SKIDA1: variants seen among roughly 807,000 people sequenced by gnomAD.
SKIDA1 encodes SKI/DACH domain-containing protein 1.
In SKIDA1, 18 loss-of-function variants were observed where a neutral mutation model predicts 51.4. The ratio of observed to expected loss-of-function variants is 0.35; its 90% CI spans 0.24 to 0.52. The LOEUF (loss-of-function observed/expected upper bound fraction) is 0.52. Among genes scored for constraint, SKIDA1 ranks in the 20% least tolerant of loss-of-function variants. SKIDA1 has a pLI of 0.95. For missense variants in SKIDA1, 1,104 were observed against 1,180.6 expected, an observed-to-expected ratio of 0.94 and a Z score of 0.95; for synonymous variants, 579 against 500.5, an observed-to-expected ratio of 1.16 and a Z score of -2.09.
chr10:21,515,940 G>A lies in SKIDA1; in HGVS notation c.1883C>T (p.Ala628Val), dbSNP rs372541967. ...GGAATATTTTTCTGAATTTGCTTCTGCTCCTGAAGAATCATTATTTAAGAA... is the reference window on the plus strand; with the variant it reads ...GGAATATTTTTCTGAATTTGCTTCTACTCCTGAAGAATCATTATTTAAGAA... ...ARFLNNDSSG[A>V]EANSEKYSKI... The change falls in exon 4 of 4, where the codon GCA (alanine) becomes GTA (valine). Residue 628 changes from alanine to valine, a missense_variant. Ala to Val is a moderately conservative substitution (Grantham distance 64). Transcript: ENST00000449193. 1 of 1,613,850 alleles carries A rather than the reference G, an allele frequency of 6.2e-7. No homozygotes were observed. The highest frequency in any genetic ancestry group is 2.2e-5 in the East Asian group (1 of 44,896).
intron 2 of SKIDA1, among the ~76,000 whole-genome samples, chr10:21,523,394 TC>T (rs2032488575): frequency 6.6e-6 from 1 of 152,140 alleles, no homozygotes; most frequent in South Asian, 2.1e-4. Flanking sequence ...ATCTTTTAAT[TC>T]CAATTAAATG....
rs547975489 is a variant in SKIDA1, at chr10:21,515,594, T to C, written c.2229A>G (p.Lys743=). 6.5e-5 allele frequency: 105 copies of C among 1,614,038 alleles called. 1 individual carries two copies. The East Asian group carries it at 1.9e-3, about 29-fold the overall frequency. Residue 743 remains lysine, a synonymous_variant, in exon 4 of 4, where the codon AAA becomes AAG. Transcript: ENST00000449193. The part of the protein sequence containing the change: ...TAKEGFACPE[K]ETPSLNPLAQ... Reference sequence around the variant, plus strand: ...CCAGTGGATTTAAGGAAGGAGTTTCTTTTTCAGGGCATGCAAAACCTTCCT... The same window carrying C: ...CCAGTGGATTTAAGGAAGGAGTTTCCTTTTCAGGGCATGCAAAACCTTCCT...
In SKIDA1 at chr10:21,514,919, G is replaced by GCCCCC. The variant is rs2032152561; in HGVS notation, c.*176_*177insGGGGG. Reference sequence around the variant, plus strand: ...CCCACCCCGCCCCCACCCTACTCCAGAAAAAAAAAAAAAAACCCGCAACGG... The same window carrying GCCCCC: ...CCCACCCCGCCCCCACCCTACTCCAGCCCCCAAAAAAAAAAAAAAACCCGCAACGG... On this transcript the variant is annotated 3_prime_UTR_variant, in exon 4 of 4. Coordinates refer to ENST00000449193, the MANE Select transcript of SKIDA1 (RefSeq NM_207371.4). 2 of 86,848 alleles carry GCCCCC rather than the reference G, an allele frequency of 2.3e-5. No individual in the cohort carries two copies. The highest frequency in any genetic ancestry group is 2.9e-4 in the Admixed American group (1 of 3,400). 5.4% of individuals were successfully genotyped at this position (86,848 alleles called of 1,614,324 possible).
rs1474672687 is a variant in SKIDA1 at position 21,514,207 on chromosome 10, T to G, written c.*889A>C. The stretch of plus-strand genomic sequence containing the variant: ...TCCAGCCTGGGCGACACAGCGAGAC[T>G]CTCTCCAAAAAAAAAAAAAAAAAAA... On this transcript the variant is annotated 3_prime_UTR_variant, in exon 4 of 4. Transcript: ENST00000449193. 9.2e-6 allele frequency: 1 copy of G among 108,934 alleles called. No individual in the cohort carries two copies. The highest frequency in any genetic ancestry group is 3.6e-5 in the African/African-American group (1 of 27,670). The allele number at this position is 108,934 out of a possible 1,614,324, so 6.7% of individuals were successfully genotyped here.
chr10:21,516,597 A>C lies in SKIDA1; in HGVS notation c.1226T>G (p.Val409Gly). 2 of 1,551,274 alleles carry C rather than the reference A, an allele frequency of 1.3e-6. No homozygotes were observed. The highest frequency in any genetic ancestry group is 1.7e-6 in the Non-Finnish European group (2 of 1,147,012). Residue 409 changes from valine to glycine, a missense_variant, in exon 4 of 4, where the codon GTG becomes GGG. By Grantham distance (109) the Val-to-Gly change is moderately radical. Coordinates refer to ENST00000449193, the MANE Select transcript of SKIDA1 (RefSeq NM_207371.4). This position sits in a 1 kb window ranked among gnomAD's most constrained non-coding sequence, Gnocchi z 5.7. Reference protein sequence around the residue: ...GSSLSSSSNSVSSEEEEEEGE... With the variant: ...GSSLSSSSNSGSSEEEEEEGE... ...CTCCTCCTCCTCTTCCTCTGAGGAC[A>C]CAGAATTGCTGGAGCTGGACAAACT...
rs1350086330 is a variant in SKIDA1, at chr10:21,517,182, A to G, written c.641T>C (p.Phe214Ser). The change falls in exon 4 of 4, where the codon TTT becomes TCT. Residue 214 changes from phenylalanine to serine, a missense_variant. Phe to Ser is a radical substitution (Grantham distance 155). Coordinates refer to ENST00000449193, the MANE Select transcript of SKIDA1 (RefSeq NM_207371.4). The surrounding 1 kb of genome is among the most constrained non-coding windows in gnomAD (Gnocchi z 6.9). ...GTGTTTGCTGCACAGCAGGCTCCGA[A>G]AATAAGCAGGGTCCGAGGGGAAGGC... ...YVAFPSDPAY[F>S]RSLLCSKHPA... 2 of 1,425,162 alleles carry G rather than the reference A, an allele frequency of 1.4e-6. No individual in the cohort carries two copies. Among genetic ancestry groups the G allele is most frequent in the Non-Finnish European group, 1.8e-6 (2 of 1,082,108 alleles). The allele number at this position is 1,425,162 out of a possible 1,614,324, so 88.3% of individuals were successfully genotyped here. A position where few individuals can be genotyped will look rare whatever the true frequency, so the allele number is the denominator to read the frequency against.
In SKIDA1 at chr10:21,517,176, C is replaced by A; in HGVS notation, c.647G>T (p.Ser216Ile). 1 of 1,422,430 alleles carries A rather than the reference C, an allele frequency of 7.0e-7. No homozygotes were observed. Among genetic ancestry groups the A allele is most frequent in the Non-Finnish European group, 9.3e-7 (1 of 1,080,490 alleles). The allele number at this position is 1,422,430 out of a possible 1,614,324, so 88.1% of individuals were successfully genotyped here. A position where few individuals can be genotyped will look rare whatever the true frequency, so the allele number is the denominator to read the frequency against. ...AFPSDPAYFRSLLCSKHPAAA... is the reference protein window; with the variant it reads ...AFPSDPAYFRILLCSKHPAAA... ...TGCCGGGTGTTTGCTGCACAGCAGG[C>A]TCCGAAAATAAGCAGGGTCCGAGGG... The change falls in exon 4 of 4, where the codon AGC becomes ATC. Residue 216 changes from serine to isoleucine, a missense_variant. Transcript: ENST00000449193. This position sits in a 1 kb window ranked among gnomAD's most constrained non-coding sequence, Gnocchi z 6.9.
rs775306214 is a variant in SKIDA1 at position 21,517,058 on chromosome 10, G to A, written c.765C>T (p.Pro255=). ...GGCCTCCGGCGCCCGCCGCTGCCTT[G>A]GGCTGGGGCCCGGCCGCCGATACCT... The part of the protein sequence containing the change: ...YYQVSAAGPQ[P]KAAAGAGGPG... Residue 255 remains proline, a synonymous_variant, in exon 4 of 4, where the codon CCC becomes CCT. Coordinates refer to ENST00000449193, the MANE Select transcript of SKIDA1 (RefSeq NM_207371.4). This position sits in a 1 kb window ranked among gnomAD's most constrained non-coding sequence, Gnocchi z 6.9. The A allele has an allele frequency of 2.0e-5, 21 of 1,034,506 alleles. No homozygotes were observed. The East Asian group carries it at 9.1e-4, about 45-fold the overall frequency. 64.1% of individuals were successfully genotyped at this position (1,034,506 alleles called of 1,614,324 possible).
In SKIDA1 at chr10:21,515,396, A is replaced by G; in HGVS notation, c.2427T>C (p.Pro809=). The G allele has an allele frequency of 6.2e-7, 1 of 1,614,068 alleles. No homozygotes were observed. The highest frequency in any genetic ancestry group is 8.5e-7 in the Non-Finnish European group (1 of 1,179,900). ...PNLKSARSPR[P]TGKTETNEGT... is the part of the protein sequence containing the mutation. Reference sequence around the variant, plus strand: ...CTTCATTTGTCTCAGTTTTACCTGTAGGACGAGGGCTTCTAGCTGATTTCA... The same window carrying G: ...CTTCATTTGTCTCAGTTTTACCTGTGGGACGAGGGCTTCTAGCTGATTTCA... The change falls in exon 4 of 4, where the codon CCT becomes CCC. Residue 809 remains proline, a synonymous_variant. Transcript: ENST00000449193.
In SKIDA1 at chr10:21,518,954, TC is replaced by T; in HGVS notation, c.-1133del. The stretch of plus-strand genomic sequence containing the variant: ...TCCAGCTCCGAAACACTGTAACAAT[TC>T]AACTGGATTTCGGTTCTCTGCTGGG... On this transcript the variant is annotated 5_prime_UTR_variant, in exon 4 of 4. An upstream open reading frame in the 5' UTR loses its in-frame stop. Transcript: ENST00000449193. 1 of 166,414 alleles carries T rather than the reference TC, an allele frequency of 6.0e-6. No individual in the cohort carries two copies. Among genetic ancestry groups the T allele is most frequent in the African/African-American group, 2.4e-5 (1 of 41,302 alleles). 10.3% of individuals were successfully genotyped at this position (166,414 alleles called of 1,614,324 possible). A position where few individuals can be genotyped will look rare whatever the true frequency, so the allele number is the denominator to read the frequency against.
Position 21,516,377 on chromosome 10 carries a change from G to A in SKIDA1, c.1446C>T (p.Asn482=). 1 of 1,613,432 alleles carries A rather than the reference G, an allele frequency of 6.2e-7. No homozygotes were observed. The highest frequency in any genetic ancestry group is 8.5e-7 in the Non-Finnish European group (1 of 1,179,894). The stretch of plus-strand genomic sequence containing the variant: ...CGGCGGAGGCCAGATGGTACAAGAA[G>A]TTGGCCTGCGCCTGCACGCTGGGAG... ...CKPPSVQAQA[N]FLYHLASAAA... The change falls in exon 4 of 4, where the codon AAC becomes AAT. Residue 482 remains asparagine (N), a synonymous_variant. Coordinates refer to ENST00000449193, the MANE Select transcript of SKIDA1 (RefSeq NM_207371.4). This position sits in a 1 kb window ranked among gnomAD's most constrained non-coding sequence, Gnocchi z 5.7.
At position 21,514,443 on chromosome 10, in the gene SKIDA1, G is replaced by T. The variant is rs45499494; in HGVS notation, c.*653C>A. 2 of 151,076 alleles carry T rather than the reference G, an allele frequency of 1.3e-5. No homozygotes were observed. The highest frequency in any genetic ancestry group is 1.3e-4 in the Admixed American group (2 of 15,114). The allele number at this position is 151,076 out of a possible 1,614,324, so 9.4% of individuals were successfully genotyped here. ...TATTTATTTTACTCAGTATGTATGA[G>T]GCAGCTTTTACTAGCATTTAATCAG... is the stretch of plus-strand genomic sequence containing the variant. On this transcript the variant is annotated 3_prime_UTR_variant, in exon 4 of 4. Transcript: ENST00000449193.
At position 21,517,236 on chromosome 10, in the gene SKIDA1, T is replaced by C; in HGVS notation, c.587A>G (p.Glu196Gly). ...GTAGTTTCCCTGGAGCGGGGCAGTTTCATAGTTTAGAGGGGGTTTGCACGG... is the reference window on the plus strand; with the variant it reads ...GTAGTTTCCCTGGAGCGGGGCAGTTCCATAGTTTAGAGGGGGTTTGCACGG... ...RSPCKPPLNY[E>G]TAPLQGNYVA... The change falls in exon 4 of 4, where the codon GAA becomes GGA. Residue 196 changes from glutamate to glycine, a missense_variant. Glu to Gly is a moderately conservative substitution (Grantham distance 98). This residue lies in a region of SKIDA1 where 938 missense variants were observed against 886.4 expected (regional missense o/e 1.06). Coordinates refer to ENST00000449193, the MANE Select transcript of SKIDA1 (RefSeq NM_207371.4). The surrounding 1 kb of genome is among the most constrained non-coding windows in gnomAD (Gnocchi z 6.9). 6.8e-7 allele frequency: 1 copy of C among 1,467,146 alleles called. No individual in the cohort carries two copies. The highest frequency in any genetic ancestry group is 3.1e-5 in the East Asian group (1 of 32,606). 90.9% of individuals were successfully genotyped at this position (1,467,146 alleles called of 1,614,324 possible).
rs185276737 is a variant in SKIDA1 at position 21,514,727 on chromosome 10, T to G, written c.*369A>C. On this transcript the variant is annotated 3_prime_UTR_variant, in exon 4 of 4. Coordinates refer to ENST00000449193, the MANE Select transcript of SKIDA1 (RefSeq NM_207371.4). ...AGTGCATAAACTTAATGGCTCATTG[T>G]AATATTTATTATTCAACCTTTTGAC... 163 of 171,018 alleles carry G rather than the reference T, an allele frequency of 9.5e-4. 1 individual carries two copies. The highest frequency in any genetic ancestry group is 8.1e-4 in the Admixed American group (14 of 17,268). 10.6% of individuals were successfully genotyped at this position (171,018 alleles called of 1,614,324 possible). A position where few individuals can be genotyped will look rare whatever the true frequency, so the allele number is the denominator to read the frequency against.
In SKIDA1 at chr10:21,515,833, C is replaced by G; in HGVS notation, c.1990G>C (p.Ala664Pro). 6.2e-7 allele frequency: 1 copy of G among 1,613,958 alleles called. No homozygotes were observed. The change falls in exon 4 of 4, where the codon GCA becomes CCA. Residue 664 changes from alanine to proline, a missense_variant. Transcript: ENST00000449193. ...GTGCAGGGATTCTCGGCTTTAGTTG[C>G]TGCTGCTCCTGCAGCGTTCACTTCA... ...DPEVNAAGAA[A>P]TKAENPCTDT...
At position 21,517,321 on chromosome 10, in the gene SKIDA1, G is replaced by GGGCGGCGGGGCGCGCGGCGGC; in HGVS notation, c.481_501dup (p.Ala161_Ala167dup). On this transcript the variant is annotated inframe_insertion, in exon 4 of 4. Transcript: ENST00000449193. The surrounding 1 kb of genome is among the most constrained non-coding windows in gnomAD (Gnocchi z 6.9). ...TATTTGCTAAAAATCTGAGGTAGAT[G>GGGCGGCGGGGCGCGCGGCGGC]GGCGGCGGGGCGCGCGGCGGCGGCG... 1 of 1,433,724 alleles carries GGGCGGCGGGGCGCGCGGCGGC rather than the reference G, an allele frequency of 7.0e-7. No individual in the cohort carries two copies. Among genetic ancestry groups the GGGCGGCGGGGCGCGCGGCGGC allele is most frequent in the Admixed American group, 3.0e-5 (1 of 33,636 alleles). The allele number at this position is 1,433,724 out of a possible 1,614,324, so 88.8% of individuals were successfully genotyped here.
rs976296392 is a variant in SKIDA1, at chr10:21,517,067, C to T, written c.756G>A (p.Gly252=). The T allele has an allele frequency of 4.7e-5, 47 of 991,790 alleles. No individual in the cohort carries two copies. The highest frequency in any genetic ancestry group is 5.1e-5 in the Non-Finnish European group (43 of 840,078). The allele number at this position is 991,790 out of a possible 1,614,324, so 61.4% of individuals were successfully genotyped here. A position where few individuals can be genotyped will look rare whatever the true frequency, so the allele number is the denominator to read the frequency against. Residue 252 remains glycine (G), a synonymous_variant, in exon 4 of 4, where the codon GGG becomes GGA. Transcript: ENST00000449193. The surrounding 1 kb of genome is among the most constrained non-coding windows in gnomAD (Gnocchi z 6.9). ...AAAYYQVSAA[G]PQPKAAAGAG... is the part of the protein sequence containing the mutation. ...CGCCCGCCGCTGCCTTGGGCTGGGG[C>T]CCGGCCGCCGATACCTGGTAATAGG...
chr10:21,518,507 TTCA>T lies in SKIDA1; in HGVS notation c.-688_-686del, dbSNP rs2032306725. The T allele has an allele frequency of 1.2e-5, 2 of 166,162 alleles. No individual in the cohort carries two copies. Among genetic ancestry groups the T allele is most frequent in the Non-Finnish European group, 2.9e-5 (2 of 68,004 alleles). The allele number at this position is 166,162 out of a possible 1,614,324, so 10.3% of individuals were successfully genotyped here. Reference sequence around the variant, plus strand: ...CTCAGAAACAGCCTGACTCACAGACTTCATCAGAAGCAGTGTGTGTACGCTTAA... The same window carrying T: ...CTCAGAAACAGCCTGACTCACAGACTTCAGAAGCAGTGTGTGTACGCTTAA... On this transcript the variant is annotated 5_prime_UTR_variant, in exon 4 of 4. The change abolishes an upstream ATG in the 5' untranslated region. Coordinates refer to ENST00000449193, the MANE Select transcript of SKIDA1 (RefSeq NM_207371.4).
chr10:21,516,014 T>C lies in SKIDA1; in HGVS notation c.1809A>G (p.Gln603=). 6.2e-7 allele frequency: 1 copy of C among 1,614,090 alleles called. No individual in the cohort carries two copies. Among genetic ancestry groups the C allele is most frequent in the Non-Finnish European group, 8.5e-7 (1 of 1,179,910 alleles). ...CTGCACAGTGTGTAGTAGGAGTTGT[T>C]TGTAGGCATTTCCTAGCCTCTCGGA... ...RILREARKCL[Q]TTPTTHCADN... The change falls in exon 4 of 4, where the codon CAA becomes CAG. Residue 603 remains glutamine (Q), a synonymous_variant. Coordinates refer to ENST00000449193, the MANE Select transcript of SKIDA1 (RefSeq NM_207371.4). The surrounding 1 kb of genome is among the most constrained non-coding windows in gnomAD (Gnocchi z 5.7).
Sources: gnomAD v4.1 joint callset for allele counts (sites outside exome capture counted in the v4.1 genomes callset) on GRCh38, gnomAD v4.1.1 for gene constraint, gnomAD v4.1.1 regional missense constraint, Gnocchi (gnomAD v3.1) non-coding constraint, MANE v1.5 for transcripts, NCBI Gene and HGNC (gene_info 2026-07-23, HGNC 2026-07-21) for gene names.